The following THUMPD2 variants were observed in gnomAD, a reference collection of about 807,000 sequenced individuals.
The protein encoded by THUMPD2 is THUMP domain 2 tRNA and snRNA guanosine methyltransferase.
A neutral mutation model predicts 49.4 loss-of-function variants in THUMPD2; 56 were observed. That is an observed-to-expected ratio of 1.13 (90% CI 0.91 to 1.41). The LOEUF (loss-of-function observed/expected upper bound fraction) is 1.41, where lower values mean the gene tolerates loss of function less well. Among genes scored for constraint, THUMPD2 ranks in the 40% most tolerant of loss-of-function variants. The pLI is 0.00. For missense variants in THUMPD2, 709 were observed against 594.5 expected (o/e 1.19, Z -2.00); for synonymous variants, 237 against 205.2 (o/e 1.15, Z -1.32).
At chr2:39,767,352 C>G (rs1390232989) in intron 4 of THUMPD2, among the ~76,000 whole-genome samples, 1 of 151,922 alleles carries the variant, frequency 6.6e-6, no homozygotes, top group African/African-American at 2.4e-5. Context: ...CGCCTGTAAT[C>G]CCAGCACTTT....
chr2:39,771,666 TGTA>T, intron 1 of THUMPD2, 26 bp from the exon 2 acceptor site: 1 of 1,581,078 alleles, frequency 6.3e-7, no homozygotes, highest in Non-Finnish European at 8.5e-7. Flanking sequence ...CAGCTTTTAA[TGTA>T]GTCCAGTGTC....
chr2:39,772,890 A>G (rs1442638550), intron 1 of THUMPD2, among the ~76,000 whole-genome samples: 1 of 152,202 alleles, frequency 6.6e-6, no homozygotes, highest in Non-Finnish European at 1.5e-5. Context: ...AGCTCTTGGA[A>G]TGGTAATTTC....
At chr2:39,778,092 T>TA (rs1679354847) in intron 1 of THUMPD2, among the ~76,000 whole-genome samples, 1 of 152,216 alleles carries the variant, frequency 6.6e-6, no homozygotes, top group South Asian at 2.1e-4. Context: ...TTCTCGGACT[T>TA]ACCTGTGCTT....
chr2:39,765,036 TTAAA>T lies in THUMPD2; in HGVS notation c.803+1017_803+1020del, dbSNP rs565076375. ...AAACATTAATATAAAGTTATATTAG[TTAAA>T]TAAGAAGCACAAAATTAAGCATTTT... is the stretch of plus-strand genomic sequence containing the variant. On this transcript the variant is annotated intron_variant, in intron 5 of 9. Coordinates refer to ENST00000505747, the MANE Select transcript of THUMPD2 (RefSeq NM_025264.5). Among the ~76,000 whole-genome samples the T allele has an allele frequency of 4.4e-3, 670 of 152,322 alleles. 1 individual carries two copies. Among genetic ancestry groups the T allele is most frequent in the Middle Eastern group, 0.01 (3 of 294 alleles).
intron 9 of THUMPD2, among the ~76,000 whole-genome samples, chr2:39,740,269 C>T (rs2148163983): frequency 6.6e-6 from 1 of 152,244 alleles, no homozygotes; most frequent in Non-Finnish European, 1.5e-5. Context: ...TCCATAAGCA[C>T]TGGTTGCATA....
intron 9 of THUMPD2, 72 bp from the exon 10 acceptor site, chr2:39,737,131 A>T (rs377128852): frequency 4.2e-5 from 58 of 1,374,192 alleles, no homozygotes; most frequent in East Asian, 4.1e-4. Context: ...CTTCATTTAA[A>T]ATGGTTCATG....
chr2:39,771,395 A>G, intron 2 of THUMPD2, 110 bp downstream of exon 2: 1 of 1,089,554 alleles, frequency 9.2e-7, no homozygotes, highest in Non-Finnish European at 1.3e-6. Flanking sequence ...ATGATCCCAC[A>G]CATGTCAATG....
intron 6 of THUMPD2, among the ~76,000 whole-genome samples, chr2:39,759,927 A>T (rs114072719): frequency 1.1e-4 from 16 of 152,374 alleles, no homozygotes; most frequent in African/African-American, 3.4e-4. Context: ...CCAAGCAATA[A>T]GTAAACCAGA....
At chr2:39,768,670 G>A in intron 3 of THUMPD2, 169 bp from the exon 4 acceptor site, 1 of 697,766 alleles carries the variant, frequency 1.4e-6, no homozygotes, top group Non-Finnish European at 2.4e-6. Flanking sequence ...ATTCAAGGCA[G>A]TAAGGCTGTA....
chr2:39,755,473 A>C, intron 7 of THUMPD2, 64 bp from the exon 8 acceptor site: 1 of 1,077,432 alleles, frequency 9.3e-7, no homozygotes, highest in Non-Finnish European at 1.3e-6. Flanking sequence ...AGTTAAGAAA[A>C]TCGACTTGCA....
rs6732412 is a variant in THUMPD2, at chr2:39,778,884, A to G, written c.126+230T>C. Reference sequence around the variant, plus strand: ...ACTTGCCTCAACACCTCTCTTAAAAACTTGAGCCCTGAGAAGTGAGGAACT... The same window carrying G: ...ACTTGCCTCAACACCTCTCTTAAAAGCTTGAGCCCTGAGAAGTGAGGAACT... On this transcript the variant is annotated intron_variant, in intron 1 of 9. Coordinates refer to ENST00000505747, the MANE Select transcript of THUMPD2 (RefSeq NM_025264.5). 7.8e-3 allele frequency among the ~76,000 whole-genome samples: 1,189 copies of G among 152,310 alleles called. 13 individuals are homozygous for G. The highest frequency in any genetic ancestry group is 0.024 in the African/African-American group (994 of 41,572).
intron 8 of THUMPD2, among the ~76,000 whole-genome samples, chr2:39,753,716 C>A (rs568650949): frequency 6.6e-6 from 1 of 152,188 alleles, no homozygotes; most frequent in African/African-American, 2.4e-5. Context: ...TAGTCCACAT[C>A]CAATCTGACA....
Position 39,761,341 on chromosome 2 carries a change from G to A in THUMPD2, c.881C>T (p.Ala294Val). Residue 294 changes from alanine (A) to valine (V), a missense_variant, in exon 6 of 10, where the codon GCT becomes GTT. Transcript: ENST00000505747. ...STIAWAMASL[A>V]DIKAGAFVLD... ...AAACATTTTTCTTACCTTAATGTCA[G>A]CCAGAGATGCCATTGCCCACGCTAT... is the stretch of plus-strand genomic sequence containing the variant. The A allele has an allele frequency of 6.2e-7, 1 of 1,613,692 alleles. No homozygotes were observed. Among genetic ancestry groups the A allele is most frequent in the Non-Finnish European group, 8.5e-7 (1 of 1,179,702 alleles).
rs778712742 is a variant in THUMPD2 at position 39,770,124 on chromosome 2, A to G, written c.263-5T>C. 3 of 1,463,226 alleles carry G rather than the reference A, an allele frequency of 2.1e-6. No individual in the cohort carries two copies. The highest frequency in any genetic ancestry group is 2.7e-6 in the Non-Finnish European group (3 of 1,114,384). 90.6% of individuals were successfully genotyped at this position (1,463,226 alleles called of 1,614,324 possible). ...GCATTTCATTAAATATTTTTCCTAA[A>G]TAAGAAAAATCTTGTTGATCCTCTA... On this transcript the variant is annotated splice_polypyrimidine_tract_variant and splice_region_variant and intron_variant, in intron 2 of 9. Coordinates refer to ENST00000505747, the MANE Select transcript of THUMPD2 (RefSeq NM_025264.5).
rs1350851288 is a variant in THUMPD2 at position 39,779,182 on chromosome 2, A to G, written c.58T>C (p.Cys20Arg). 8.6e-6 allele frequency: 13 copies of G among 1,519,604 alleles called. No individual in the cohort carries two copies. Among genetic ancestry groups the G allele is most frequent in the Non-Finnish European group, 1.1e-5 (12 of 1,139,090 alleles). The allele number at this position is 1,519,604 out of a possible 1,614,324, so 94.1% of individuals were successfully genotyped here. A position where few individuals can be genotyped will look rare whatever the true frequency, so the allele number is the denominator to read the frequency against. ...GGCTCCAGGCCGCGACCCGCAGTGC[A>G]GAAGAATCGGGCGCCAGCCTCAGGC... The part of the protein sequence containing the change: ...SGPEAGARFF[C>R]TAGRGLEPFV... Residue 20 changes from cysteine to arginine, a missense_variant, in exon 1 of 10, where the codon TGC becomes CGC. Coordinates refer to ENST00000505747, the MANE Select transcript of THUMPD2 (RefSeq NM_025264.5).
At chr2:39,753,589 G>A (rs1334529889) in intron 8 of THUMPD2, among the ~76,000 whole-genome samples, 8 of 152,126 alleles carry the variant, frequency 5.3e-5, no homozygotes, top group South Asian at 2.1e-4. Context: ...ATAATCGTGC[G>A]AAATTTAACA....
chr2:39,736,872 C>T lies in THUMPD2; in HGVS notation c.1375G>A (p.Glu459Lys), dbSNP rs772777759. Residue 459 changes from glutamate (E) to lysine (K), a missense_variant, in exon 10 of 10, where the codon GAA becomes AAA. Glu to Lys is a moderately conservative substitution (Grantham distance 56, BLOSUM62 1). Transcript: ENST00000505747. The stretch of plus-strand genomic sequence containing the variant: ...TCTAAGAATTTGTGGTTACTGGCTT[C>T]GAATGAAGTTGACGCTGTCTTGAAT... ...GAFKTASTSF[E>K]ASNHKFLDRM... The T allele has an allele frequency of 1.1e-5, 18 of 1,614,052 alleles. No homozygotes were observed. Among genetic ancestry groups the T allele is most frequent in the African/African-American group, 8.0e-5 (6 of 74,938 alleles).
chr2:39,736,770 A>C lies in THUMPD2; in HGVS notation c.1477T>G (p.Cys493Gly), dbSNP rs142194794. ...GAAGAGTGCGACTTCTTATATTTAC[A>C]TATGAACGCATCTGTCTTTCCAAGG... ...VSLGKTDAFI[C>G]KYKKSHSSGL Residue 493 changes from cysteine to glycine, a missense_variant, in exon 10 of 10, where the codon TGT (cysteine) becomes GGT (glycine). Cys to Gly is a radical substitution (Grantham distance 159, BLOSUM62 -3). Coordinates refer to ENST00000505747, the MANE Select transcript of THUMPD2 (RefSeq NM_025264.5). 3.7e-6 allele frequency: 6 copies of C among 1,614,092 alleles called. No homozygotes were observed. Among genetic ancestry groups the C allele is most frequent in the Admixed American group, 1.7e-5 (1 of 60,012 alleles).
At chr2:39,757,512 G>A in intron 6 of THUMPD2, 2 of 842,882 alleles carry the variant, frequency 2.4e-6, no homozygotes, top group Non-Finnish European at 3.3e-6. Context: ...GTTGAAAATT[G>A]TTAATAGCAT....
Sources: gnomAD v4.1 joint callset for allele counts (sites outside exome capture counted in the v4.1 genomes callset) on GRCh38, gnomAD v4.1.1 for gene constraint, MANE v1.5 for transcripts, NCBI Gene and HGNC (gene_info 2026-07-23, HGNC 2026-07-21) for gene names.